The following UNC13C variants were observed in gnomAD, a reference collection of about 807,000 sequenced individuals.
UNC13C encodes the protein protein unc-13 homolog C.
Under a neutral mutation model 245.4 loss-of-function variants are expected in UNC13C, and 174 were observed. The ratio of observed to expected loss-of-function variants is 0.71; its 90% CI spans 0.63 to 0.80. The LOEUF (loss-of-function observed/expected upper bound fraction) is 0.80, where lower values mean the gene tolerates loss of function less well. Ranked by LOEUF, UNC13C falls within the 30% of genes least tolerant of loss-of-function variation. The pLI, the probability that UNC13C is intolerant of heterozygous loss-of-function variation, is 0.00. For missense variants in UNC13C, 2,829 were observed against 2,602.9 expected, an observed-to-expected ratio of 1.09 and a Z score of -1.89; for synonymous variants, 992 against 895.1, an observed-to-expected ratio of 1.11 and a Z score of -1.93.
In UNC13C at chr15:54,511,810, G is replaced by C. The variant is rs369423827; in HGVS notation, c.5437G>C (p.Glu1813Gln). The C allele has an allele frequency of 6.2e-7, 1 of 1,608,980 alleles. No individual in the cohort carries two copies. The highest frequency in any genetic ancestry group is 8.5e-7 in the Non-Finnish European group (1 of 1,177,538). ...GCGGGTCCAGCTGGAAAAAATGTTTGAATCCATGGGAGGGAAGGAGGTGGG... is the reference window on the plus strand; with the variant it reads ...GCGGGTCCAGCTGGAAAAAATGTTTCAATCCATGGGAGGGAAGGAGGTGGG... ...QLRVQLEKMF[E>Q]SMGGKELDSE... The change falls in exon 24 of 33, where the codon GAA becomes CAA. Residue 1813 changes from glutamate to glutamine, a missense_variant. Glu to Gln is a conservative substitution (Grantham distance 29). Transcript: ENST00000260323.
chr15:53,956,905 T>TGTGTGTGTGTGTGC, the UNC13C span, among the ~76,000 whole-genome samples: 58 of 151,388 alleles, frequency 3.8e-4, 1 homozygote, highest in East Asian at 2.9e-3. Context: ...TGTGTGTGTG[T>TGTGTGTGTGTGTGC]GCATGCACAC....
At chr15:54,184,840 C>G (rs1471641818) in intron 4 of UNC13C, among the ~76,000 whole-genome samples, 1 of 152,144 alleles carries the variant, frequency 6.6e-6, no homozygotes, top group African/African-American at 2.4e-5. Flanking sequence ...GAGCAATTGC[C>G]ACACCGACTT....
the UNC13C span, among the ~76,000 whole-genome samples, chr15:53,961,982 A>T: frequency 2.1e-3 from 323 of 152,132 alleles, 1 homozygote; most frequent in African/African-American, 7.7e-3. Flanking sequence ...TTCACTTCTG[A>T]TTTTATTATC....
chr15:53,845,068 G>T, the UNC13C span, among the ~76,000 whole-genome samples: 1 of 152,142 alleles, frequency 6.6e-6, no homozygotes, highest in Non-Finnish European at 1.5e-5. Context: ...GCTCACGTCT[G>T]AAATCCCAGC....
chr15:54,335,860 T>A (rs979845538), intron 16 of UNC13C, among the ~76,000 whole-genome samples: 1 of 152,160 alleles, frequency 6.6e-6, no homozygotes, highest in Admixed American at 6.6e-5. Context: ...TGTTTTTATG[T>A]TCCTTGGGTT....
intron 18 of UNC13C, among the ~76,000 whole-genome samples, chr15:54,410,712 C>CT (rs1460789267): frequency 6.6e-6 from 1 of 151,932 alleles, no homozygotes; most frequent in African/African-American, 2.4e-5. Context: ...TTCCATTGTT[C>CT]TATGTGTCTT....
chr15:54,246,299 G>T (rs909841853), intron 7 of UNC13C, among the ~76,000 whole-genome samples: 6 of 152,050 alleles, frequency 3.9e-5, no homozygotes, highest in East Asian at 1.9e-4. Flanking sequence ...GCCTACAAAG[G>T]CTTATCAGAA....
At chr15:54,407,497 G>A (rs2040320837) in intron 18 of UNC13C, among the ~76,000 whole-genome samples, 1 of 152,186 alleles carries the variant, frequency 6.6e-6, no homozygotes, top group East Asian at 1.9e-4. Context: ...CCATAGAGTG[G>A]AGGTAAAGTA....
chr15:54,084,596 G>A (rs750061445), intron 2 of UNC13C, among the ~76,000 whole-genome samples: 2 of 152,048 alleles, frequency 1.3e-5, no homozygotes, highest in African/African-American at 4.8e-5. Flanking sequence ...ACTTCTTTGA[G>A]CTTTAGTTTT....
intron 4 of UNC13C, among the ~76,000 whole-genome samples, chr15:54,147,441 G>A (rs529414719): frequency 1.3e-5 from 2 of 152,070 alleles, no homozygotes; most frequent in South Asian, 2.1e-4. Flanking sequence ...GGATGGTCTC[G>A]ATCTCCTGAC....
At chr15:54,251,801 C>G (rs2036159062) in intron 8 of UNC13C, among the ~76,000 whole-genome samples, 1 of 152,088 alleles carries the variant, frequency 6.6e-6, no homozygotes, top group Non-Finnish European at 1.5e-5. Flanking sequence ...AGGAAAATGT[C>G]AAAGATTAAA....
chr15:54,298,024 G>T, intron 12 of UNC13C, 98 bp downstream of exon 12: 1 of 878,382 alleles, frequency 1.1e-6, no homozygotes. Flanking sequence ...TGAATTTGTA[G>T]AGTGGTTCCT....
At chr15:54,206,382 A>T (rs1307166694) in intron 4 of UNC13C, among the ~76,000 whole-genome samples, 1 of 152,046 alleles carries the variant, frequency 6.6e-6, no homozygotes, top group African/African-American at 2.4e-5. Flanking sequence ...ATTTTTTCCC[A>T]TTGGAATTAT....
intron 4 of UNC13C, among the ~76,000 whole-genome samples, chr15:54,155,589 T>TTAAC (rs2032709442): frequency 8.5e-3 from 2 of 234 alleles, no homozygotes; most frequent in South Asian, 0.33. Context: ...TTACTTCCAC[T>TTAAC]TATTTGTATT....
At chr15:54,164,203 G>A (rs965024719) in intron 4 of UNC13C, among the ~76,000 whole-genome samples, 3 of 151,960 alleles carry the variant, frequency 2.0e-5, no homozygotes, top group Non-Finnish European at 4.4e-5. Context: ...GTAAATAGTT[G>A]GAATTTATGT....
chr15:54,344,922 C>T (rs575462059), intron 17 of UNC13C, among the ~76,000 whole-genome samples: 1 of 147,996 alleles, frequency 6.8e-6, no homozygotes, highest in Non-Finnish European at 1.5e-5. Context: ...ACCCCATCAT[C>T]TTATGTCTGT....
chr15:54,305,648 C>A (rs928048128), intron 13 of UNC13C, among the ~76,000 whole-genome samples: 3 of 151,974 alleles, frequency 2.0e-5, no homozygotes, highest in Non-Finnish European at 4.4e-5. Flanking sequence ...AACCAACCAA[C>A]GAAAGAACAA....
At chr15:54,103,591 A>G (rs1383670172) in intron 2 of UNC13C, among the ~76,000 whole-genome samples, 3 of 152,154 alleles carry the variant, frequency 2.0e-5, no homozygotes, top group East Asian at 1.9e-4. Context: ...TTAGCTGACT[A>G]TCTTGTTTCC....
chr15:54,151,250 G>A (rs555645114), intron 4 of UNC13C, among the ~76,000 whole-genome samples: 2 of 117,800 alleles, frequency 1.7e-5, no homozygotes, highest in African/African-American at 3.0e-5. Context: ...CATCTTCTGA[G>A]CTTTAGGAGG....
Sources: gnomAD v4.1 joint callset for allele counts (sites outside exome capture counted in the v4.1 genomes callset) on GRCh38, gnomAD v4.1.1 for gene constraint, MANE v1.5 for transcripts, NCBI Gene and HGNC (gene_info 2026-07-23, HGNC 2026-07-21) for gene names.